Variants in MAP7 observed in about 807,000 individuals in gnomAD.
MAP7 encodes the protein ensconsin.
MAP7 carries 52 observed loss-of-function variants against 94.8 expected under a neutral mutation model. The ratio of observed to expected loss-of-function variants is 0.55; its 90% CI spans 0.44 to 0.69. MAP7 has a LOEUF of 0.69. MAP7 is among the 30% of genes least tolerant of loss of function. MAP7 has a pLI of 0.00. For missense variants in MAP7, 940 were observed against 964.6 expected, an observed-to-expected ratio of 0.97 and a Z score of 0.34; for synonymous variants, 350 against 357.0, an observed-to-expected ratio of 0.98 and a Z score of 0.22.
chr6:136,403,738 G>A (rs1784813864), intron 3 of MAP7, among the ~76,000 whole-genome samples: 1 of 152,268 alleles, frequency 6.6e-6, no homozygotes, highest in East Asian at 1.9e-4. Flanking sequence ...TTGTCATAAT[G>A]ACTCATTTTA....
intron 1 of MAP7, among the ~76,000 whole-genome samples, chr6:136,458,694 C>G (rs1401443657): frequency 6.6e-6 from 1 of 151,944 alleles, no homozygotes; most frequent in African/African-American, 2.4e-5. Flanking sequence ...ACAAATAATG[C>G]TGGAAAAACT....
chr6:136,383,260 A>C (rs1308550219), intron 6 of MAP7, among the ~76,000 whole-genome samples: 1 of 152,252 alleles, frequency 6.6e-6, no homozygotes, highest in African/African-American at 2.4e-5. Flanking sequence ...GAATCATTTA[A>C]AAAGTTTTTA....
intron 1 of MAP7, among the ~76,000 whole-genome samples, chr6:136,482,308 G>A (rs1010139582): frequency 3.9e-5 from 6 of 152,122 alleles, no homozygotes; most frequent in African/African-American, 1.4e-4. Flanking sequence ...CTACCATAAA[G>A]ACACATAGAG....
chr6:136,365,852 C>T lies in MAP7; in HGVS notation c.1156G>A (p.Glu386Lys). ...TTGGCAACTTTCTGAGGTTCCTTCTCAGGATCTTTCTTCTCAGGCTCCACT... is the reference window on the plus strand; with the variant it reads ...TTGGCAACTTTCTGAGGTTCCTTCTTAGGATCTTTCTTCTCAGGCTCCACT... ...VKVEPEKKDP[E>K]KEPQKVANEP... The change falls in exon 10 of 18, where the codon GAG (glutamate) becomes AAG (lysine). Residue 386 changes from glutamate (E) to lysine (K), a missense_variant. By Grantham distance (56) the Glu-to-Lys change is moderately conservative (BLOSUM62 1). Transcript: ENST00000354570. 1.9e-6 allele frequency: 3 copies of T among 1,614,152 alleles called. No individual in the cohort carries two copies. The highest frequency in any genetic ancestry group is 2.5e-6 in the Non-Finnish European group (3 of 1,180,030).
chr6:136,468,131 GTAGCCTATA>G (rs1807726971), intron 1 of MAP7, among the ~76,000 whole-genome samples: 2 of 152,090 alleles, frequency 1.3e-5, no homozygotes, highest in Admixed American at 1.3e-4. Flanking sequence ...ATTTTCAAAA[GTAGCCTATA>G]TAGACATGGG....
At chr6:136,538,798 CAAAAAAAAAA>C (rs397836178) in intron 1 of MAP7, among the ~76,000 whole-genome samples, 1 of 65,896 alleles carries the variant, frequency 1.5e-5, no homozygotes, top group African/African-American at 5.8e-5. Flanking sequence ...GATTTTGTCT[CAAAAAAAAAA>C]AAAAAAAAAA....
At chr6:136,452,999 G>A (rs934351563) in intron 1 of MAP7, among the ~76,000 whole-genome samples, 1 of 152,164 alleles carries the variant, frequency 6.6e-6, no homozygotes, top group African/African-American at 2.4e-5. Context: ...TCATTGCAGT[G>A]GTCTGGAACT....
intron 3 of MAP7, among the ~76,000 whole-genome samples, chr6:136,407,309 T>C (rs566273177): frequency 6.6e-6 from 1 of 152,272 alleles, no homozygotes; most frequent in South Asian, 2.1e-4. Context: ...AAAGTCTAAA[T>C]AGATAAAAAT....
chr6:136,375,668 T>C (rs536975422), intron 7 of MAP7, among the ~76,000 whole-genome samples: 2 of 152,324 alleles, frequency 1.3e-5, no homozygotes, highest in East Asian at 3.9e-4. Context: ...GAATTTTGGT[T>C]CATTAAACAT....
intron 8 of MAP7, 22 bp downstream of exon 8, chr6:136,372,479 G>T: frequency 5.6e-6 from 9 of 1,613,378 alleles, no homozygotes; most frequent in Non-Finnish European, 7.6e-6. Context: ...GACTTGCCCA[G>T]CTGCTCCCAA....
At position 136,393,730 on chromosome 6, in the gene MAP7, A is replaced by AT. The variant is rs1402963724; in HGVS notation, c.245-4214_245-4213insA. Among the ~76,000 whole-genome samples the AT allele has an allele frequency of 2.6e-5, 4 of 151,860 alleles. No individual in the cohort carries two copies. In the East Asian group the frequency reaches 7.7e-4, roughly 29 times the overall value. On this transcript the variant is annotated intron_variant, in intron 3 of 17. Coordinates refer to ENST00000354570, the MANE Select transcript of MAP7 (RefSeq NM_003980.6). ...AGCTCATTGCAACCTCAAACTCCTG[A>AT]ACTCAAGCAATCCTCCTGCCTCAGC...
rs549113167 is a variant in MAP7 at position 136,366,435 on chromosome 6, T to C, written c.881A>G (p.Tyr294Cys). 3 of 1,605,460 alleles carry C rather than the reference T, an allele frequency of 1.9e-6. No individual in the cohort carries two copies. The highest frequency in any genetic ancestry group is 2.7e-5 in the African/African-American group (2 of 74,872). The change falls in exon 9 of 18, where the codon TAT becomes TGT. Residue 294 changes from tyrosine (Y) to cysteine (C), a missense_variant. Transcript: ENST00000354570. The stretch of plus-strand genomic sequence containing the variant: ...ATTTTCTCTCTCTCTTTCTTTTTTA[T>C]AGCTCTAAGTTCAGAGAAACTCAAT... ...RRRIIHGTASYKKERERENVL... is the reference protein window; with the variant it reads ...RRRIIHGTASCKKERERENVL...
chr6:136,472,361 C>T (rs546671321), intron 1 of MAP7, among the ~76,000 whole-genome samples: 8 of 152,276 alleles, frequency 5.3e-5, no homozygotes, highest in East Asian at 1.9e-4. Context: ...TCAAAAGGGA[C>T]ATTTGTTAAT....
At chr6:136,378,786 G>A (rs1776948844) in intron 6 of MAP7, among the ~76,000 whole-genome samples, 2 of 152,192 alleles carry the variant, frequency 1.3e-5, no homozygotes, top group African/African-American at 4.8e-5. Flanking sequence ...TGAAAAGATA[G>A]AAGCTATTTT....
intron 1 of MAP7, among the ~76,000 whole-genome samples, chr6:136,537,794 T>C (rs1242905783): frequency 6.6e-6 from 1 of 152,106 alleles, no homozygotes; most frequent in African/African-American, 2.4e-5. Context: ...ATGAATTTTT[T>C]TTTTTTTTTT....
At chr6:136,390,586 G>T (rs143150978) in intron 3 of MAP7, among the ~76,000 whole-genome samples, 1,905 of 152,260 alleles carry the variant, frequency 0.013, 14 homozygotes, top group Middle Eastern at 0.034. Flanking sequence ...TTGGGAGGCG[G>T]ATGTTGCAGC....
chr6:136,354,469 A>G (rs1790280119), intron 16 of MAP7, among the ~76,000 whole-genome samples: 1 of 146,900 alleles, frequency 6.8e-6, no homozygotes, highest in Admixed American at 6.9e-5. Context: ...AAAAATATAT[A>G]TAGTAGATAT....
chr6:136,356,730 ATG>A lies in MAP7; in HGVS notation c.1975_1976del (p.His659CysfsTer23). ...PGNGKPVGSP[H>X]VVTSHQSKVT... ...CTTTTGACTGGTGTGAGGTAACCACATGTGGGCTGCCAACTGGCTTTCCATTT... is the reference window on the plus strand; with the variant it reads ...CTTTTGACTGGTGTGAGGTAACCACATGGGCTGCCAACTGGCTTTCCATTT... On this transcript the variant is annotated frameshift_variant, in exon 16 of 18. Transcript: ENST00000354570. LOFTEE classifies it high-confidence loss of function. The A allele has an allele frequency of 6.2e-7, 1 of 1,614,200 alleles. No homozygotes were observed. Among genetic ancestry groups the A allele is most frequent in the Non-Finnish European group, 8.5e-7 (1 of 1,180,038 alleles).
chr6:136,510,663 T>C (rs1265256063), intron 1 of MAP7, among the ~76,000 whole-genome samples: 1 of 152,070 alleles, frequency 6.6e-6, no homozygotes, highest in Non-Finnish European at 1.5e-5. Context: ...AATAGGTGAG[T>C]ACAACACAGT....
Sources: gnomAD v4.1 joint callset for allele counts (sites outside exome capture counted in the v4.1 genomes callset) on GRCh38, gnomAD v4.1.1 for gene constraint, MANE v1.5 for transcripts, NCBI Gene and HGNC (gene_info 2026-07-23, HGNC 2026-07-21) for gene names.